CNTNAP2: variants seen among roughly 807,000 people sequenced by gnomAD.
The protein encoded by CNTNAP2 is contactin associated protein 2.
Under a neutral mutation model 155.2 loss-of-function variants are expected in CNTNAP2, and 98 were observed. That is an observed-to-expected ratio of 0.63 (90% CI 0.54 to 0.75). The LOEUF is 0.75. Among genes scored for constraint, CNTNAP2 ranks in the 30% least tolerant of loss-of-function variants. The pLI is 0.00. For synonymous variants in CNTNAP2, 651 were observed against 631.2 expected (o/e 1.03, Z -0.47); for missense variants, 1,727 against 1,688.1 (o/e 1.02, Z -0.40).
chr7:146,947,030 T>C (rs7793925), intron 3 of CNTNAP2, among the ~76,000 whole-genome samples: 55,051 of 151,662 alleles, frequency 0.36, 10,501 homozygotes, highest in Middle Eastern at 0.42. Flanking sequence ...TCAATTTATT[T>C]ATTTATTTAT....
At chr7:146,269,931 A>G (rs1800053582) in intron 1 of CNTNAP2, among the ~76,000 whole-genome samples, 1 of 152,118 alleles carries the variant, frequency 6.6e-6, no homozygotes, top group South Asian at 2.1e-4. Context: ...AGTTTCAAAT[A>G]TTGTAAGATC....
intron 4 of CNTNAP2, chr7:147,083,030 T>G (rs921349661): frequency 6.6e-6 from 1 of 152,126 alleles, no homozygotes; most frequent in Non-Finnish European, 1.5e-5. Context: ...TCAGCACGCC[T>G]CTCATCCTCT....
chr7:146,478,365 A>C (rs1290544680), intron 1 of CNTNAP2, among the ~76,000 whole-genome samples: 3 of 151,964 alleles, frequency 2.0e-5, no homozygotes, highest in African/African-American at 7.3e-5. Flanking sequence ...CCACCAAGAG[A>C]GGGTGATCCA....
intron 1 of CNTNAP2, among the ~76,000 whole-genome samples, chr7:146,180,330 C>CTTTTCTTTCTTCCTTTCTTTATCCTTCAT (rs1798532389): frequency 6.6e-6 from 1 of 150,438 alleles, no homozygotes; most frequent in South Asian, 2.1e-4. Context: ...TCTTCCTTTC[C>CTTTTCTTTCTTCCTTTCTTTATCCTTCAT]TTTTCTTTCT....
At chr7:146,992,467 CAAAT>C (rs1378821985) in intron 3 of CNTNAP2, among the ~76,000 whole-genome samples, 17 of 151,142 alleles carry the variant, frequency 1.1e-4, no homozygotes. Context: ...TGGGTAAAAA[CAAAT>C]AAAAAGGAAC....
chr7:146,799,197 T>A (rs973643088), intron 2 of CNTNAP2, among the ~76,000 whole-genome samples: 2 of 152,184 alleles, frequency 1.3e-5, no homozygotes, highest in Non-Finnish European at 2.9e-5. Context: ...TTTTCTTTTT[T>A]AAGTGAAATA....
chr7:146,417,173 AGTAAAACTG>A (rs1795949102), intron 1 of CNTNAP2, among the ~76,000 whole-genome samples: 1 of 152,154 alleles, frequency 6.6e-6, no homozygotes, highest in Non-Finnish European at 1.5e-5. Context: ...CCTTTATTCT[AGTAAAACTG>A]TCACTGAACC....
chr7:147,509,943 C>A (rs79207747), intron 11 of CNTNAP2, among the ~76,000 whole-genome samples: 3,035 of 151,932 alleles, frequency 0.02, 89 homozygotes, highest in African/African-American at 0.07. Flanking sequence ...TGGTTTTTTG[C>A]TTTGTTTCCT....
chr7:147,838,684 G>A (rs1402648412), intron 13 of CNTNAP2, among the ~76,000 whole-genome samples: 4 of 152,130 alleles, frequency 2.6e-5, no homozygotes, highest in Non-Finnish European at 5.9e-5. Context: ...GACTACCTCT[G>A]CCTGGATTTT....
At chr7:146,660,446 C>T (rs1214871549) in intron 1 of CNTNAP2, among the ~76,000 whole-genome samples, 2 of 152,186 alleles carry the variant, frequency 1.3e-5, no homozygotes, top group African/African-American at 2.4e-5. Flanking sequence ...TTTATATCAT[C>T]GAGCTAAATT....
rs549909441 is a variant in CNTNAP2 at position 146,840,643 on chromosome 7, G to A, written c.402+739G>A. Among the ~76,000 whole-genome samples the A allele has an allele frequency of 5.3e-5, 8 of 152,184 alleles. No homozygotes were observed. The East Asian group carries it at 1.4e-3, about 26-fold the overall frequency. On this transcript the variant is annotated intron_variant, in intron 3 of 23. Coordinates refer to ENST00000361727, the MANE Select transcript of CNTNAP2 (RefSeq NM_014141.6). ...GGAAAGGGAGAGGATGAAAGGGAAG[G>A]GGGAAAAGAAGGAAGAGGAAAGGGT...
intron 15 of CNTNAP2, among the ~76,000 whole-genome samples, chr7:148,063,523 A>C (rs1415366756): frequency 6.7e-6 from 1 of 149,556 alleles, no homozygotes; most frequent in Non-Finnish European, 1.5e-5. Flanking sequence ...CAAGTTATCT[A>C]ATCTTTTCTT....
chr7:146,956,642 G>T (rs1303822406), intron 3 of CNTNAP2, among the ~76,000 whole-genome samples: 1 of 152,124 alleles, frequency 6.6e-6, no homozygotes, highest in African/African-American at 2.4e-5. Flanking sequence ...TTCCTACTCA[G>T]GACAATTTCC....
At chr7:147,187,140 G>A (rs1802582652) in intron 8 of CNTNAP2, among the ~76,000 whole-genome samples, 1 of 152,160 alleles carries the variant, frequency 6.6e-6, no homozygotes, top group African/African-American at 2.4e-5. Flanking sequence ...AATGAACATG[G>A]AGAGTATAGT....
intron 2 of CNTNAP2, among the ~76,000 whole-genome samples, chr7:146,787,294 G>C (rs557283011): frequency 6.6e-6 from 1 of 152,142 alleles, no homozygotes; most frequent in Non-Finnish European, 1.5e-5. Context: ...TTTTGGTCTC[G>C]CTGACTTCAA....
Position 148,035,235 on chromosome 7 carries a change from G to A in CNTNAP2, c.2383+57246G>A, listed in dbSNP as rs561844013. 7.2e-5 allele frequency among the ~76,000 whole-genome samples: 11 copies of A among 152,322 alleles called. No individual in the cohort carries two copies. The East Asian group carries it at 2.1e-3, about 29-fold the overall frequency. ...TGCTGCCAAGCAACCCTTTAATAAA[G>A]GGATTAGTACAGCTAGAAAGAAGCC... On this transcript the variant is annotated intron_variant, in intron 15 of 23. Transcript: ENST00000361727.
chr7:147,739,974 G>T (rs975262333), intron 13 of CNTNAP2, among the ~76,000 whole-genome samples: 3 of 152,116 alleles, frequency 2.0e-5, no homozygotes, highest in African/African-American at 7.2e-5. Flanking sequence ...CCTTCACATA[G>T]TCTTACAGCT....
intron 2 of CNTNAP2, among the ~76,000 whole-genome samples, chr7:146,816,491 A>G (rs888616445): frequency 3.9e-5 from 6 of 152,188 alleles, no homozygotes; most frequent in African/African-American, 1.4e-4. Context: ...TGGCCATCCC[A>G]CAGTCTAAGA....
At chr7:146,554,022 G>T (rs1416842811) in intron 1 of CNTNAP2, among the ~76,000 whole-genome samples, 3 of 152,112 alleles carry the variant, frequency 2.0e-5, no homozygotes, top group Non-Finnish European at 2.9e-5. Context: ...CAGTTAAAAA[G>T]TTGTTCTTTT....
Sources: gnomAD v4.1 joint callset for allele counts (sites outside exome capture counted in the v4.1 genomes callset) on GRCh38, gnomAD v4.1.1 for gene constraint, MANE v1.5 for transcripts, NCBI Gene and HGNC (gene_info 2026-07-23, HGNC 2026-07-21) for gene names.